NTN1: variants seen among roughly 807,000 people sequenced by gnomAD.
NTN1 encodes the protein netrin 1, also known as netrin-1.
In NTN1, 11 loss-of-function variants were observed where a neutral mutation model predicts 54.2. The observed-to-expected ratio is 0.20, with a 90% CI of 0.13 to 0.34. The LOEUF is 0.34. NTN1 is among the 10% of genes least tolerant of loss of function. The pLI is 1.00. For synonymous variants in NTN1, 371 were observed against 382.0 expected (o/e 0.97, Z 0.33); for missense variants, 740 against 893.1 (o/e 0.83, Z 2.18).
At chr17:9,021,369 G>A (rs1489577938), upstream of NTN1, among the ~76,000 whole-genome samples, 1 of 56,912 alleles carries the variant, frequency 1.8e-5, no homozygotes, top group Non-Finnish European at 3.3e-5. Flanking sequence ...TCCCTCTCGG[G>A]CGTCCGGGCC....
chr17:9,228,041 T>C (rs1334759111), intron 6 of NTN1, among the ~76,000 whole-genome samples: 2 of 152,132 alleles, frequency 1.3e-5, no homozygotes, highest in Non-Finnish European at 2.9e-5. Context: ...CATCCTGCCC[T>C]GGGTGCTGAG....
In NTN1 at chr17:9,023,251, G is replaced by T. The variant is rs1300880577; in HGVS notation, c.878G>T (p.Arg293Leu). Reference protein sequence around the residue: ...GRCKCNGHAARCVRDRDDSLV... With the variant: ...GRCKCNGHAALCVRDRDDSLV... ...TGCAAGTGCAACGGCCACGCGGCCC[G>T]CTGCGTGCGCGACCGCGACGACAGC... The change falls in exon 2 of 7, where the codon CGC becomes CTC. Residue 293 changes from arginine (R) to leucine (L), a missense_variant. Transcript: ENST00000173229. 2.6e-6 allele frequency: 4 copies of T among 1,564,728 alleles called. No homozygotes were observed. The highest frequency in any genetic ancestry group is 3.5e-6 in the Non-Finnish European group (4 of 1,155,660).
At chr17:9,164,308 C>G (rs1191054746) in intron 3 of NTN1, among the ~76,000 whole-genome samples, 1 of 152,084 alleles carries the variant, frequency 6.6e-6, no homozygotes, top group East Asian at 1.9e-4. Flanking sequence ...GCCTGTAATC[C>G]CAGCTACTTG....
chr17:9,233,216 A>C (rs1464871660), intron 6 of NTN1, among the ~76,000 whole-genome samples: 1 of 152,014 alleles, frequency 6.6e-6, no homozygotes, highest in Non-Finnish European at 1.5e-5. Flanking sequence ...CCACACACTT[A>C]GGCCTTGCCA....
Position 9,221,170 on chromosome 17 carries a change from T to G in NTN1, c.1414T>G (p.Cys472Gly). ...AASSVEEPED[C>G]DSYCKASKGK... Reference sequence around the variant, plus strand: ...GCTCCCCCCCCACCCCCCTGCAGACTGCGATTCCTACTGCAAGGCCTCCAA... The same window carrying G: ...GCTCCCCCCCCACCCCCCTGCAGACGGCGATTCCTACTGCAAGGCCTCCAA... The change falls in exon 6 of 7, where the codon TGC (cysteine) becomes GGC (glycine). Residue 472 changes from cysteine (C) to glycine (G), a missense_variant and splice_region_variant. Coordinates refer to ENST00000173229, the MANE Select transcript of NTN1 (RefSeq NM_004822.3). This position sits in a 1 kb window ranked among gnomAD's most constrained non-coding sequence, Gnocchi z 4.5. The G allele has an allele frequency of 7.5e-6, 8 of 1,066,670 alleles. No homozygotes were observed. The highest frequency in any genetic ancestry group is 1.1e-5 in the Non-Finnish European group (8 of 709,058). The allele number at this position is 1,066,670 out of a possible 1,614,324, so 66.1% of individuals were successfully genotyped here. A position where few individuals can be genotyped will look rare whatever the true frequency, so the allele number is the denominator to read the frequency against.
intron 5 of NTN1, among the ~76,000 whole-genome samples, chr17:9,218,817 G>A (rs1023971188): frequency 2.6e-5 from 4 of 152,124 alleles, no homozygotes; most frequent in Admixed American, 2.0e-4. Flanking sequence ...ACAAGGCTGA[G>A]ATGGAGAGGT....
chr17:9,096,565 G>T (rs1307682302), intron 2 of NTN1, among the ~76,000 whole-genome samples: 1 of 151,846 alleles, frequency 6.6e-6, no homozygotes, highest in Non-Finnish European at 1.5e-5. Context: ...TAGAGACGGG[G>T]TTTCACCGTG....
chr17:9,120,007 G>A (rs1034470006), intron 2 of NTN1, among the ~76,000 whole-genome samples: 6 of 152,124 alleles, frequency 3.9e-5, no homozygotes, highest in Non-Finnish European at 5.9e-5. Context: ...CTGGCCGGGC[G>A]TGGTGGCTCA....
At chr17:9,090,794 G>A (rs1327010614) in intron 2 of NTN1, among the ~76,000 whole-genome samples, 1 of 152,168 alleles carries the variant, frequency 6.6e-6, no homozygotes, top group Non-Finnish European at 1.5e-5. Context: ...AAGAGAAGGG[G>A]GCAGGGAGGC....
rs1274856995 is a variant in NTN1, at chr17:9,226,735, A to C, written c.1486+5493A>C. 2.0e-5 allele frequency among the ~76,000 whole-genome samples: 3 copies of C among 152,198 alleles called. No homozygotes were observed. The East Asian group carries it at 5.8e-4, about 29-fold the overall frequency. On this transcript the variant is annotated intron_variant, in intron 6 of 6. Transcript: ENST00000173229. ...TCGCGATTCCTGCCAGCTTCTCAGG[A>C]AAGCCCAACCTTGGAGGGACCCTTC...
Position 9,221,358 on chromosome 17 carries a change from C to G in NTN1, c.1486+116C>G, listed in dbSNP as rs974510336. The G allele has an allele frequency of 7.5e-6, 6 of 797,642 alleles. No individual in the cohort carries two copies. The Admixed American group carries it at 1.1e-4, about 14-fold the overall frequency. 49.4% of individuals were successfully genotyped at this position (797,642 alleles called of 1,614,324 possible). The stretch of plus-strand genomic sequence containing the variant: ...GTGTTGGTCGTGAAGACCCTGTGAC[C>G]GATGGGAACTAGCCGGACGGATCCC... On this transcript the variant is annotated intron_variant, in intron 6 of 6. Coordinates refer to ENST00000173229, the MANE Select transcript of NTN1 (RefSeq NM_004822.3). The surrounding 1 kb of genome is among the most constrained non-coding windows in gnomAD (Gnocchi z 4.5).
intron 2 of NTN1, among the ~76,000 whole-genome samples, chr17:9,048,727 G>A (rs2091949493): frequency 6.6e-6 from 1 of 151,958 alleles, no homozygotes; most frequent in African/African-American, 2.4e-5. Flanking sequence ...CGCAATCTTG[G>A]CTCATTGTAA....
At chr17:9,060,728 A>G (rs1276310632) in intron 2 of NTN1, among the ~76,000 whole-genome samples, 2 of 152,224 alleles carry the variant, frequency 1.3e-5, no homozygotes, top group Non-Finnish European at 2.9e-5. Context: ...CTGTAATCCC[A>G]GCACTTTGGG....
intron 2 of NTN1, among the ~76,000 whole-genome samples, chr17:9,032,201 C>T (rs1292525058): frequency 6.6e-6 from 1 of 152,094 alleles, no homozygotes. Context: ...GCTCCTGTAC[C>T]ACGAAAGGAT....
At chr17:9,196,903 T>G (rs1243012480) in intron 5 of NTN1, among the ~76,000 whole-genome samples, 2 of 152,110 alleles carry the variant, frequency 1.3e-5, no homozygotes, top group African/African-American at 4.8e-5. Flanking sequence ...TCACACCTGC[T>G]CCCACTGGCT....
chr17:9,090,762 A>G (rs2142232717), intron 2 of NTN1, among the ~76,000 whole-genome samples: 1 of 152,174 alleles, frequency 6.6e-6, no homozygotes, highest in Admixed American at 6.5e-5. Flanking sequence ...AGAAAGTCAA[A>G]TGCTCCTATG....
chr17:9,223,619 C>G (rs183448047), intron 6 of NTN1, among the ~76,000 whole-genome samples: 1 of 152,204 alleles, frequency 6.6e-6, no homozygotes, highest in African/African-American at 2.4e-5. Flanking sequence ...CCTCCCAGCC[C>G]TGGGTCTTCA....
intron 2 of NTN1, among the ~76,000 whole-genome samples, chr17:9,109,043 A>AT (rs1288163729): frequency 6.6e-6 from 1 of 151,800 alleles, no homozygotes; most frequent in Non-Finnish European, 1.5e-5. Flanking sequence ...CCCCCGGCTA[A>AT]TTTTTGTATT....
At chr17:9,059,221 C>T (rs2091988711) in intron 2 of NTN1, among the ~76,000 whole-genome samples, 1 of 152,092 alleles carries the variant, frequency 6.6e-6, no homozygotes, top group Admixed American at 6.5e-5. Context: ...GAAAATGCAG[C>T]AGGTACAGAT....
Sources: allele counts gnomAD v4.1 joint callset (sites outside exome capture counted in the v4.1 genomes callset), GRCh38; gene constraint gnomAD v4.1.1; non-coding constraint Gnocchi (gnomAD v3.1); transcripts MANE v1.5; gene names NCBI Gene and HGNC (gene_info 2026-07-23, HGNC 2026-07-21).